Variants in ARHGAP26 observed in about 807,000 individuals in gnomAD.
ARHGAP26 encodes the protein Rho GTPase activating protein 26.
Under a neutral mutation model 104.8 loss-of-function variants are expected in ARHGAP26, and 38 were observed. The ratio of observed to expected loss-of-function variants is 0.36; its 90% CI spans 0.28 to 0.48. The LOEUF is 0.48. ARHGAP26 is among the 20% of genes least tolerant of loss of function. ARHGAP26 has a pLI of 0.99. For synonymous variants in ARHGAP26, 341 were observed against 340.0 expected (o/e 1.00, Z -0.03); for missense variants, 704 against 947.9 (o/e 0.74, Z 3.38).
chr5:142,897,016 T>C (rs887283756), intron 6 of ARHGAP26, among the ~76,000 whole-genome samples: 1 of 152,188 alleles, frequency 6.6e-6, no homozygotes, highest in African/African-American at 2.4e-5. Flanking sequence ...ATAAACAGTT[T>C]TGGTAGCTTT....
chr5:142,793,273 TTA>T (rs1491445140), intron 1 of ARHGAP26, among the ~76,000 whole-genome samples: 2 of 150,760 alleles, frequency 1.3e-5, no homozygotes. Flanking sequence ...TTTTTTTTTT[TTA>T]ATCTATCTTT....
rs35832241 is a variant in ARHGAP26, at chr5:143,226,786, TGA to T, written c.*4344_*4345del. On this transcript the variant is annotated 3_prime_UTR_variant, in exon 23 of 23. Coordinates refer to ENST00000645722, the MANE Select transcript of ARHGAP26 (RefSeq NM_001135608.3). ...TTTCCTCTCACCGAGTGCTTTTCGG[TGA>T]GAGGCAAAGAGAAAGAATGAACAAT... The T allele has an allele frequency of 3.2e-3, 710 of 220,402 alleles. 3 individuals are homozygous for T. The highest frequency in any genetic ancestry group is 0.015 in the African/African-American group (666 of 44,660). The allele number at this position is 220,402 out of a possible 1,614,324, so 13.7% of individuals were successfully genotyped here.
rs534683209 is a variant in ARHGAP26 at position 143,067,724 on chromosome 5, A to T, written c.1538+9977A>T. On this transcript the variant is annotated intron_variant, in intron 17 of 22. Coordinates refer to ENST00000645722, the MANE Select transcript of ARHGAP26 (RefSeq NM_001135608.3). ...AGCAGGTCTTGCTATGTACTTGGAGATGCCTAGAATTGGGTAGAATAGGGT... is the reference window on the plus strand; with the variant it reads ...AGCAGGTCTTGCTATGTACTTGGAGTTGCCTAGAATTGGGTAGAATAGGGT... Among the ~76,000 whole-genome samples, 14 of 152,290 alleles carry T rather than the reference A, an allele frequency of 9.2e-5. No homozygotes were observed. The East Asian group carries it at 1.4e-3, about 15-fold the overall frequency.
At chr5:143,036,523 C>CT (rs1419807629) in intron 12 of ARHGAP26, among the ~76,000 whole-genome samples, 3 of 152,174 alleles carry the variant, frequency 2.0e-5, no homozygotes, top group Middle Eastern at 3.2e-3. Flanking sequence ...TAATTTTCCT[C>CT]TGAATCATTT....
chr5:143,070,335 A>C (rs1271008796), intron 17 of ARHGAP26, among the ~76,000 whole-genome samples: 1 of 152,224 alleles, frequency 6.6e-6, no homozygotes, highest in Admixed American at 6.5e-5. Context: ...CCAGATTGTT[A>C]ATGAAGCAAA....
chr5:143,051,466 G>A (rs1785016126), intron 14 of ARHGAP26, among the ~76,000 whole-genome samples: 1 of 152,226 alleles, frequency 6.6e-6, no homozygotes, highest in African/African-American at 2.4e-5. Context: ...ATGGTGGAGA[G>A]AAGTGTACTG....
At chr5:142,789,831 C>T (rs891345836) in intron 1 of ARHGAP26, among the ~76,000 whole-genome samples, 2 of 152,102 alleles carry the variant, frequency 1.3e-5, no homozygotes, top group African/African-American at 4.8e-5. Flanking sequence ...GGATCTAGGA[C>T]AAGGGAACCC....
In ARHGAP26 at chr5:142,819,627, G is replaced by A. The variant is rs575804119; in HGVS notation, c.154+48712G>A. ...TGATGTTACCTGAACAGGAAGAGTA[G>A]TCATATATAGGTGATAGGGGAGATG... On this transcript the variant is annotated intron_variant, in intron 1 of 22. Transcript: ENST00000645722. 8.5e-5 allele frequency among the ~76,000 whole-genome samples: 13 copies of A among 152,196 alleles called. 1 individual carries two copies. The highest frequency in any genetic ancestry group is 1.5e-4 in the Non-Finnish European group (10 of 68,030).
Position 143,135,495 on chromosome 5 carries a change from T to C in ARHGAP26, c.1837+1390T>C, listed in dbSNP as rs1362741117. 3.9e-5 allele frequency among the ~76,000 whole-genome samples: 6 copies of C among 152,298 alleles called. No individual in the cohort carries two copies. The East Asian group carries it at 7.7e-4, about 20-fold the overall frequency. On this transcript the variant is annotated intron_variant, in intron 19 of 22. Transcript: ENST00000645722. ...GGCTTCATATCTGGATTGGTATCTT[T>C]CTTTTTGTCACCAAAAAGGTGCTTA...
chr5:142,883,255 G>C (rs1225024000), intron 4 of ARHGAP26, among the ~76,000 whole-genome samples: 2 of 152,192 alleles, frequency 1.3e-5, no homozygotes, highest in Non-Finnish European at 2.9e-5. Context: ...CTGGGACCAG[G>C]ATTCTCCTTT....
intron 20 of ARHGAP26, among the ~76,000 whole-genome samples, chr5:143,187,956 C>G (rs907435950): frequency 3.3e-5 from 5 of 152,140 alleles, no homozygotes; most frequent in South Asian, 2.1e-4. Flanking sequence ...ATTTTGAACC[C>G]AAAAATGGAA....
intron 1 of ARHGAP26, among the ~76,000 whole-genome samples, chr5:142,861,556 G>A (rs1483978945): frequency 1.3e-5 from 2 of 152,166 alleles, no homozygotes; most frequent in Non-Finnish European, 2.9e-5. Flanking sequence ...GACTGACGGT[G>A]AGGAGGGCGA....
At chr5:142,998,196 A>G (rs1391196995) in intron 11 of ARHGAP26, among the ~76,000 whole-genome samples, 1 of 152,294 alleles carries the variant, frequency 6.6e-6, no homozygotes, top group East Asian at 1.9e-4. Context: ...TTTCATATTT[A>G]TATTTATGAT....
intron 22 of ARHGAP26, among the ~76,000 whole-genome samples, chr5:143,220,181 T>A (rs1289539157): frequency 6.6e-6 from 1 of 152,220 alleles, no homozygotes; most frequent in Non-Finnish European, 1.5e-5. Context: ...TTTTTGTTTT[T>A]TTGTTTTGTC....
At chr5:143,130,520 T>G (rs1281889794) in intron 18 of ARHGAP26, among the ~76,000 whole-genome samples, 6 of 152,080 alleles carry the variant, frequency 3.9e-5, no homozygotes, top group Admixed American at 2.6e-4. Context: ...GGCTCATAGG[T>G]TATATGAGCT....
At chr5:143,100,537 G>T (rs1259146002) in intron 17 of ARHGAP26, among the ~76,000 whole-genome samples, 1 of 152,240 alleles carries the variant, frequency 6.6e-6, no homozygotes, top group African/African-American at 2.4e-5. Flanking sequence ...ATTGTTTCTT[G>T]TACTTACGGT....
rs1186379196 is a variant in ARHGAP26, at chr5:142,873,489, T to G, written c.244T>G (p.Cys82Gly). ...IGDAETDDEMCIARSLQEFAT... is the reference protein window; with the variant it reads ...IGDAETDDEMGIARSLQEFAT... Reference sequence around the variant, plus strand: ...AGATGCAGAAACAGATGATGAGATGTGTATAGGTAAGTCATAACTGTGCAG... The same window carrying G: ...AGATGCAGAAACAGATGATGAGATGGGTATAGGTAAGTCATAACTGTGCAG... The change falls in exon 2 of 23, where the codon TGT (cysteine) becomes GGT (glycine). Residue 82 changes from cysteine to glycine, a missense_variant. Physicochemically the swap from Cys to Gly is radical, Grantham distance 159. Around this residue, in one of 6 missense-constraint regions of ARHGAP26, gnomAD observed 106 missense variants for 120.5 expected, o/e 0.88. Coordinates refer to ENST00000645722, the MANE Select transcript of ARHGAP26 (RefSeq NM_001135608.3). The G allele has an allele frequency of 1.9e-6, 3 of 1,579,174 alleles. No individual in the cohort carries two copies. Among genetic ancestry groups the G allele is most frequent in the Non-Finnish European group, 2.6e-6 (3 of 1,166,748 alleles).
At chr5:143,192,321 C>A (rs1359144897) in intron 20 of ARHGAP26, among the ~76,000 whole-genome samples, 1 of 152,148 alleles carries the variant, frequency 6.6e-6, no homozygotes, top group Non-Finnish European at 1.5e-5. Context: ...AAAGGCATTT[C>A]AGATGGGAAC....
intron 10 of ARHGAP26, among the ~76,000 whole-genome samples, chr5:142,927,478 C>T (rs762119880): frequency 3.1e-4 from 47 of 152,022 alleles, no homozygotes; most frequent in Non-Finnish European, 4.9e-4. Context: ...GAGATTCATT[C>T]GTGTTGTTGC....
Sources: allele counts gnomAD v4.1 joint callset (sites outside exome capture counted in the v4.1 genomes callset), GRCh38; gene constraint gnomAD v4.1.1; regional missense constraint gnomAD v4.1.1; transcripts MANE v1.5; gene names NCBI Gene and HGNC (gene_info 2026-07-23, HGNC 2026-07-21).